The following KLF12 variants were observed in gnomAD, a reference collection of about 807,000 sequenced individuals.
The protein encoded by KLF12 is Krueppel-like factor 12.
Under a neutral mutation model 37.8 loss-of-function variants are expected in KLF12, and 9 were observed. That is an observed-to-expected ratio of 0.24 (90% confidence interval 0.14 to 0.42). The LOEUF (loss-of-function observed/expected upper bound fraction) is 0.42, where lower values mean the gene tolerates loss of function less well. KLF12 is among the 10% of genes least tolerant of loss of function. The probability of loss-of-function intolerance (pLI) is 1.00; values close to 1 mark genes in which losing one functional copy is unlikely to be tolerated. For synonymous variants in KLF12, 208 were observed against 202.1 expected, an observed-to-expected ratio of 1.03 and a Z score of -0.25; for missense variants, 411 against 516.0, an observed-to-expected ratio of 0.80 and a Z score of 1.97.
intron 3 of KLF12, among the ~76,000 whole-genome samples, chr13:73,864,079 T>C (rs551910066): frequency 6.6e-6 from 1 of 152,254 alleles, no homozygotes; most frequent in Non-Finnish European, 1.5e-5. Flanking sequence ...CTACATGTCA[T>C]AACATTATAG....
chr13:73,973,161 C>T (rs1403874794), intron 2 of KLF12, among the ~76,000 whole-genome samples: 1 of 152,174 alleles, frequency 6.6e-6, no homozygotes, highest in African/African-American at 2.4e-5. Flanking sequence ...TTTAACACTG[C>T]AGATGCACCT....
Position 73,792,174 on chromosome 13 carries a change from G to T in KLF12, c.806+20978C>A, listed in dbSNP as rs138450317. On this transcript the variant is annotated intron_variant, in intron 5 of 7. Transcript: ENST00000377669. ...TCCTCTCATCCAACCCAACATACCA[G>T]TGAGTCCTAACCCACCAATGTATAC... 1.5e-3 allele frequency among the ~76,000 whole-genome samples: 229 copies of T among 152,246 alleles called. 3 individuals are homozygous for T. Among genetic ancestry groups the T allele is most frequent in the African/African-American group, 5.3e-3 (222 of 41,542 alleles).
intron 6 of KLF12, among the ~76,000 whole-genome samples, chr13:73,717,609 C>T (rs2137697279): frequency 6.6e-6 from 1 of 152,036 alleles, no homozygotes; most frequent in Admixed American, 6.5e-5. Flanking sequence ...ATTTATCTAC[C>T]TGTGTCTCAA....
At chr13:73,866,830 A>G (rs1342584086) in intron 3 of KLF12, among the ~76,000 whole-genome samples, 26 of 151,754 alleles carry the variant, frequency 1.7e-4, no homozygotes, top group African/African-American at 6.3e-4. Flanking sequence ...TGCTAGGCTA[A>G]TAATATACTG....
rs1566380332 is a variant in KLF12 at position 73,805,653 on chromosome 13, GA to G, written c.806+7498del. 1.6e-3 allele frequency among the ~76,000 whole-genome samples: 44 copies of G among 26,808 alleles called. 1 individual carries two copies. The highest frequency in any genetic ancestry group is 3.0e-3 in the Admixed American group (7 of 2,312). 17.6% of individuals were successfully genotyped at this position (26,808 alleles called of 152,430 possible). ...GGGAGGGAGGGAGGGAGGGAGGGAG[GA>G]AGGAAGGAAGGAAGGAAGGAAGGAA... On this transcript the variant is annotated intron_variant, in intron 5 of 7. Coordinates refer to ENST00000377669, the MANE Select transcript of KLF12 (RefSeq NM_007249.5).
chr13:73,845,981 G>A lies in KLF12; in HGVS notation c.516C>T (p.Pro172=), dbSNP rs77377545. ...TCAGTTTGTTAGACTGTAAATTCAT[G>A]GGACTTGAAGGCGGTACGGGATGGA... Residue 172 remains proline, a synonymous_variant, in exon 4 of 8, where the codon CCC becomes CCT. Coordinates refer to ENST00000377669, the MANE Select transcript of KLF12 (RefSeq NM_007249.5). 6.2e-7 allele frequency: 1 copy of A among 1,614,114 alleles called. No individual in the cohort carries two copies. Among genetic ancestry groups the A allele is most frequent in the South Asian group, 1.1e-5 (1 of 91,080 alleles).
chr13:73,794,668 C>A (rs1046259909), intron 5 of KLF12, among the ~76,000 whole-genome samples: 2 of 152,138 alleles, frequency 1.3e-5, no homozygotes, highest in Admixed American at 6.5e-5. Flanking sequence ...TTCCCCTTCT[C>A]CTGATGAAGT....
chr13:73,952,733 A>C (rs1890690883), intron 2 of KLF12, among the ~76,000 whole-genome samples: 1 of 152,234 alleles, frequency 6.6e-6, no homozygotes, highest in Non-Finnish European at 1.5e-5. Flanking sequence ...GCATCACATA[A>C]CAGGTGGTGA....
chr13:74,181,763 T>C, the KLF12 span, among the ~76,000 whole-genome samples: 1 of 151,286 alleles, frequency 6.6e-6, no homozygotes, highest in Non-Finnish European at 1.5e-5. Context: ...ACCCAATGTA[T>C]GAGGACCTTG....
intron 1 of KLF12, among the ~76,000 whole-genome samples, chr13:74,001,530 A>C (rs1892282283): frequency 6.6e-6 from 1 of 152,216 alleles, no homozygotes; most frequent in African/African-American, 2.4e-5. Context: ...TGACACAATC[A>C]AGAAAAAATA....
At chr13:73,902,004 T>C (rs1182380199) in intron 3 of KLF12, among the ~76,000 whole-genome samples, 1 of 152,230 alleles carries the variant, frequency 6.6e-6, no homozygotes, top group Non-Finnish European at 1.5e-5. Flanking sequence ...GGAAATATTA[T>C]ACAGTTTGAG....
At chr13:73,895,043 G>A (rs1033831900) in intron 3 of KLF12, among the ~76,000 whole-genome samples, 2 of 152,118 alleles carry the variant, frequency 1.3e-5, no homozygotes, top group South Asian at 4.1e-4. Flanking sequence ...GCCAACAAAC[G>A]TATTTCTTTC....
intron 1 of KLF12, among the ~76,000 whole-genome samples, chr13:74,048,565 A>C (rs1258859876): frequency 6.6e-6 from 1 of 152,216 alleles, no homozygotes; most frequent in Non-Finnish European, 1.5e-5. Flanking sequence ...TTGAGAGTAG[A>C]GCTTTATCAT....
intron 1 of KLF12, among the ~76,000 whole-genome samples, chr13:74,093,415 T>C (rs2138831623): frequency 6.6e-6 from 1 of 152,310 alleles, no homozygotes; most frequent in Non-Finnish European, 1.5e-5. Context: ...TGATCTCCGT[T>C]CCATATTTCC....
At chr13:73,930,676 T>G (rs1479837340) in intron 3 of KLF12, among the ~76,000 whole-genome samples, 2 of 152,154 alleles carry the variant, frequency 1.3e-5, no homozygotes, top group Non-Finnish European at 2.9e-5. Context: ...ACATCTATTT[T>G]AAAATGGCAA....
At chr13:73,845,132 T>C (rs1307733386) in intron 4 of KLF12, 3 of 152,332 alleles carry the variant, frequency 2.0e-5, no homozygotes, top group Admixed American at 6.5e-5. Context: ...CATAGTCATG[T>C]AGCAAAGTTA....
the KLF12 span, among the ~76,000 whole-genome samples, chr13:74,156,350 C>T: frequency 9.2e-5 from 14 of 152,296 alleles, 1 homozygote; most frequent in East Asian, 2.5e-3. Context: ...AAGGAACCTG[C>T]TCTGTGATCA....
At chr13:73,775,014 T>A (rs1307340147) in intron 5 of KLF12, among the ~76,000 whole-genome samples, 1 of 151,786 alleles carries the variant, frequency 6.6e-6, no homozygotes, top group Non-Finnish European at 1.5e-5. Flanking sequence ...GCCTCCTGGG[T>A]TCAGGTGATT....
the KLF12 span, among the ~76,000 whole-genome samples, chr13:74,252,008 G>T: frequency 1.3e-5 from 2 of 152,156 alleles, no homozygotes; most frequent in East Asian, 3.9e-4. Context: ...ATTAGGGGAT[G>T]TTGGGATGGG....
Sources: gnomAD v4.1 joint callset for allele counts (sites outside exome capture counted in the v4.1 genomes callset) on GRCh38, gnomAD v4.1.1 for gene constraint, MANE v1.5 for transcripts, NCBI Gene and HGNC (gene_info 2026-07-23, HGNC 2026-07-21) for gene names.